Variants in MDM4 observed in about 807,000 individuals in gnomAD.
MDM4 encodes the protein protein Mdm4.
MDM4 carries 2 observed loss-of-function variants against 60.2 expected under a neutral mutation model. The observed-to-expected ratio is 0.03, with a 90% confidence interval of 0.01 to 0.10. The LOEUF is 0.10. Among genes scored for constraint, MDM4 ranks in the 10% least tolerant of loss-of-function variants. The probability of loss-of-function intolerance (pLI) is 1.00; values close to 1 mark genes in which losing one functional copy is unlikely to be tolerated. For synonymous variants in MDM4, 202 were observed against 198.1 expected, an observed-to-expected ratio of 1.02 and a Z score of -0.17; for missense variants, 447 against 577.5, an observed-to-expected ratio of 0.77 and a Z score of 2.32.
chr1:204,528,091 T>A (rs977445609), intron 3 of MDM4, among the ~76,000 whole-genome samples: 1 of 151,806 alleles, frequency 6.6e-6, no homozygotes, highest in African/African-American at 2.4e-5. Context: ...TTTTTTTTTT[T>A]TAGTTTTATC....
At chr1:204,525,781 A>G (rs987936047) in intron 2 of MDM4, among the ~76,000 whole-genome samples, 185 bp downstream of exon 2, 3 of 152,070 alleles carry the variant, frequency 2.0e-5, no homozygotes, top group African/African-American at 7.2e-5. Flanking sequence ...AAACATTTCT[A>G]AAAGAAAAAA....
chr1:204,532,820 G>A (rs781433604), intron 5 of MDM4: 1 of 1,611,020 alleles, frequency 6.2e-7, no homozygotes, highest in East Asian at 2.2e-5. Context: ...TTGGCAGATT[G>A]TATCCTTGTG....
In MDM4 at chr1:204,529,287, C is replaced by T; in HGVS notation, c.154-1397C>T. On this transcript the variant is annotated intron_variant, in intron 3 of 10. Transcript: ENST00000367182. ...AGTTGACCAGAGCCTGCTTCACCTC[C>T]TTCATGGAGATAAAGCCACTGTGAT... is the stretch of plus-strand genomic sequence containing the variant. 5 of 749,494 alleles carry T rather than the reference C, an allele frequency of 6.7e-6. No individual in the cohort carries two copies. In the South Asian group the frequency reaches 7.3e-5, roughly 11 times the overall value. The allele number at this position is 749,494 out of a possible 1,614,324, so 46.4% of individuals were successfully genotyped here. A position where few individuals can be genotyped will look rare whatever the true frequency, so the allele number is the denominator to read the frequency against.
rs1388211386 is a variant in MDM4, at chr1:204,550,464, C to T, written c.*782C>T. ...ATAGTCATGAGGCACCTAGTCTGGCCCTTTTGCAAGACTTTAATCTGAAAT... is the reference window on the plus strand; with the variant it reads ...ATAGTCATGAGGCACCTAGTCTGGCTCTTTTGCAAGACTTTAATCTGAAAT... On this transcript the variant is annotated 3_prime_UTR_variant, in exon 11 of 11. Coordinates refer to ENST00000367182, the MANE Select transcript of MDM4 (RefSeq NM_002393.5). 1.5e-5 allele frequency: 3 copies of T among 200,924 alleles called. No individual in the cohort carries two copies. The highest frequency in any genetic ancestry group is 6.9e-5 in the African/African-American group (3 of 43,298). The allele number at this position is 200,924 out of a possible 1,614,324, so 12.4% of individuals were successfully genotyped here.
intron 10 of MDM4, among the ~76,000 whole-genome samples, chr1:204,547,367 C>G (rs1433229114): frequency 3.3e-5 from 5 of 152,196 alleles, no homozygotes; most frequent in African/African-American, 1.2e-4. Context: ...TGATATTCCA[C>G]TCTTAGGTTA....
Position 204,555,899 on chromosome 1 carries a change from G to C in MDM4, c.*6217G>C, listed in dbSNP as rs1418295012. On this transcript the variant is annotated 3_prime_UTR_variant, in exon 11 of 11. Coordinates refer to ENST00000367182, the MANE Select transcript of MDM4 (RefSeq NM_002393.5). ...TTTATCATTATAACATCTTATTAGA[G>C]CCCCTAATTTCTTATCTGAAGGCAC... The C allele has an allele frequency of 5.3e-6, 1 of 189,256 alleles. No individual in the cohort carries two copies. Among genetic ancestry groups the C allele is most frequent in the African/African-American group, 2.3e-5 (1 of 42,592 alleles). 11.7% of individuals were successfully genotyped at this position (189,256 alleles called of 1,614,324 possible).
At position 204,554,272 on chromosome 1, in the gene MDM4, G is replaced by A; in HGVS notation, c.*4590G>A. 1 of 225,164 alleles carries A rather than the reference G, an allele frequency of 4.4e-6. No homozygotes were observed. The highest frequency in any genetic ancestry group is 8.8e-6 in the Non-Finnish European group (1 of 113,108). 13.9% of individuals were successfully genotyped at this position (225,164 alleles called of 1,614,324 possible). A position where few individuals can be genotyped will look rare whatever the true frequency, so the allele number is the denominator to read the frequency against. On this transcript the variant is annotated 3_prime_UTR_variant, in exon 11 of 11. Coordinates refer to ENST00000367182, the MANE Select transcript of MDM4 (RefSeq NM_002393.5). ...TTGAGTTTTTTCCCCTCAGAATTAT[G>A]TGAATTTCTGATATATGGCTTTAGA...
rs1663026990 is a variant in MDM4 at position 204,549,771 on chromosome 1, G to A, written c.*89G>A. 4.6e-6 allele frequency: 4 copies of A among 864,828 alleles called. No individual in the cohort carries two copies. The South Asian group carries it at 6.2e-5, about 13-fold the overall frequency. 53.6% of individuals were successfully genotyped at this position (864,828 alleles called of 1,614,324 possible). On this transcript the variant is annotated 3_prime_UTR_variant, in exon 11 of 11. Transcript: ENST00000367182. ...CTTTATTTAATTTTATTTCCAACCT[G>A]TCAGAGAATGTTCTTAGGCATCAAA...
chr1:204,547,826 C>T (rs748093749), intron 10 of MDM4, among the ~76,000 whole-genome samples: 2 of 152,214 alleles, frequency 1.3e-5, no homozygotes, highest in African/African-American at 4.8e-5. Flanking sequence ...CGGCTTCGAG[C>T]GATTCTCCTG....
At chr1:204,518,295 A>T (rs1316279862) in intron 1 of MDM4, among the ~76,000 whole-genome samples, 1 of 152,236 alleles carries the variant, frequency 6.6e-6, no homozygotes. Flanking sequence ...AGCTGGGACT[A>T]CAGGCACAGG....
At chr1:204,529,118 A>G (rs1660576780) in intron 3 of MDM4, 2 of 1,228,464 alleles carry the variant, frequency 1.6e-6, no homozygotes, top group East Asian at 2.4e-5. Context: ...TGTCCCAGTC[A>G]TAACTGCTGG....
intron 9 of MDM4, among the ~76,000 whole-genome samples, chr1:204,546,482 C>T (rs1454429787): frequency 1.3e-5 from 2 of 152,134 alleles, no homozygotes; most frequent in Non-Finnish European, 2.9e-5. Context: ...AAATTATAGG[C>T]ACCTGGCTGT....
rs975295354 is a variant in MDM4, at chr1:204,525,466, AT to A, written c.-35-9del. Reference sequence around the variant, plus strand: ...TTCTGCATTAGAATAGATGTTATAAATTTTTTTTTCTATTTAGTTTTACCAA... The same window carrying A: ...TTCTGCATTAGAATAGATGTTATAAATTTTTTTTCTATTTAGTTTTACCAA... On this transcript the variant is annotated splice_polypyrimidine_tract_variant and intron_variant, in intron 1 of 10. Coordinates refer to ENST00000367182, the MANE Select transcript of MDM4 (RefSeq NM_002393.5). 40 of 1,549,692 alleles carry A rather than the reference AT, an allele frequency of 2.6e-5. No homozygotes were observed. The highest frequency in any genetic ancestry group is 3.0e-5 in the Non-Finnish European group (35 of 1,151,066).
intron 7 of MDM4, 98 bp from the exon 8 acceptor site, chr1:204,542,686 T>C (rs1662233286): frequency 4.5e-6 from 4 of 892,182 alleles, no homozygotes; most frequent in Admixed American, 3.2e-5. Flanking sequence ...AGGAATTTCT[T>C]TTTACCTATT....
chr1:204,554,291 C>T lies in MDM4; in HGVS notation c.*4609C>T, dbSNP rs2102479101. ...AATTATGTGAATTTCTGATATATGG[C>T]TTTAGATACTGTGAATCTGTTTTCC... On this transcript the variant is annotated 3_prime_UTR_variant, in exon 11 of 11. Coordinates refer to ENST00000367182, the MANE Select transcript of MDM4 (RefSeq NM_002393.5). 8.9e-6 allele frequency: 2 copies of T among 225,394 alleles called. No homozygotes were observed. The highest frequency in any genetic ancestry group is 3.7e-4 in the South Asian group (2 of 5,446). The allele number at this position is 225,394 out of a possible 1,614,324, so 14.0% of individuals were successfully genotyped here. A position where few individuals can be genotyped will look rare whatever the true frequency, so the allele number is the denominator to read the frequency against.
intron 3 of MDM4, chr1:204,529,035 A>C (rs1572471206): frequency 1.3e-6 from 2 of 1,503,312 alleles, no homozygotes; most frequent in East Asian, 2.3e-5. Flanking sequence ...TAGCTGGGTG[A>C]ACTGGGGGCT....
intron 5 of MDM4, among the ~76,000 whole-genome samples, chr1:204,534,347 A>C (rs1204044379): frequency 6.6e-6 from 1 of 152,140 alleles, no homozygotes; most frequent in African/African-American, 2.4e-5. Flanking sequence ...AGGATTTTAT[A>C]ATTGCTGATC....
intron 3 of MDM4, among the ~76,000 whole-genome samples, chr1:204,527,676 T>G (rs191262059): frequency 5.2e-4 from 58 of 111,858 alleles, no homozygotes; most frequent in African/African-American, 2.0e-3. Context: ...GACACTCTTC[T>G]GAGCACTGTG....
At chr1:204,531,478 GCTCT>G (rs1660847680) in intron 4 of MDM4, among the ~76,000 whole-genome samples, 1 of 152,138 alleles carries the variant, frequency 6.6e-6, no homozygotes, top group Admixed American at 6.5e-5. Context: ...TAATTTAGAA[GCTCT>G]CTTTCTCTAT....
Sources: gnomAD v4.1 joint callset for allele counts (sites outside exome capture counted in the v4.1 genomes callset) on GRCh38, gnomAD v4.1.1 for gene constraint, MANE v1.5 for transcripts, NCBI Gene and HGNC (gene_info 2026-07-23, HGNC 2026-07-21) for gene names.